The following CAMK2A variants were observed in gnomAD, a reference collection of about 807,000 sequenced individuals.
The protein encoded by CAMK2A is calcium/calmodulin dependent protein kinase II alpha.
Under a neutral mutation model 79.2 loss-of-function variants are expected in CAMK2A, and 7 were observed. That is an observed-to-expected ratio of 0.09 (90% CI 0.05 to 0.17). The LOEUF (loss-of-function observed/expected upper bound fraction) is 0.17. Among genes scored for constraint, CAMK2A ranks in the 10% least tolerant of loss-of-function variants. The probability of loss-of-function intolerance (pLI) is 1.00; values close to 1 mark genes in which losing one functional copy is unlikely to be tolerated. For synonymous variants in CAMK2A, 242 were observed against 251.7 expected, an observed-to-expected ratio of 0.96 and a Z score of 0.36; for missense variants, 214 against 646.4, an observed-to-expected ratio of 0.33 and a Z score of 7.25.
rs35164363 is a variant in CAMK2A, at chr5:150,221,749, C to CA, written c.*960dup. The CA allele has an allele frequency of 0.076, 23,794 of 312,868 alleles. 13 individuals carry two copies. Among genetic ancestry groups the CA allele is most frequent in the East Asian group, 0.11 (2,461 of 22,850 alleles). 19.4% of individuals were successfully genotyped at this position (312,868 alleles called of 1,614,324 possible). A position where few individuals can be genotyped will look rare whatever the true frequency, so the allele number is the denominator to read the frequency against. On this transcript the variant is annotated 3_prime_UTR_variant, in exon 19 of 19. Coordinates refer to ENST00000671881, the MANE Select transcript of CAMK2A (RefSeq NM_015981.4). ...GTGACAAGGTCCACCTCAGAGATGA[C>CA]AAAAAAAAAAAAAAAAACTAGAACA...
At chr5:150,261,195 C>A (rs987486951) in intron 3 of CAMK2A, among the ~76,000 whole-genome samples, 7 of 144,008 alleles carry the variant, frequency 4.9e-5, no homozygotes, top group Non-Finnish European at 6.2e-5. Context: ...CTCTGAGCAG[C>A]TGGGCAAGGG....
intron 3 of CAMK2A, among the ~76,000 whole-genome samples, chr5:150,263,966 G>A (rs1347329679): frequency 6.6e-6 from 1 of 152,230 alleles, no homozygotes; most frequent in African/African-American, 2.4e-5. Context: ...AATAGCAGAT[G>A]GAGATGCTTC....
intron 15 of CAMK2A, among the ~76,000 whole-genome samples, chr5:150,236,950 C>T (rs913025162): frequency 2.6e-5 from 4 of 152,174 alleles, no homozygotes; most frequent in Non-Finnish European, 4.4e-5. Flanking sequence ...TATTCACAGA[C>T]ACCATCATAG....
At chr5:150,273,873 C>T (rs939335898) in intron 1 of CAMK2A, among the ~76,000 whole-genome samples, 3 of 152,222 alleles carry the variant, frequency 2.0e-5, no homozygotes, top group African/African-American at 7.2e-5. Context: ...GCTACAATGA[C>T]TAGCCGTGTA....
At chr5:150,255,356 G>A (rs1239405793) in intron 6 of CAMK2A, among the ~76,000 whole-genome samples, 2 of 152,250 alleles carry the variant, frequency 1.3e-5, no homozygotes, top group African/African-American at 4.8e-5. Flanking sequence ...GAGAGGGGCA[G>A]GGTCTCTCTT....
At chr5:150,270,088 C>G (rs557350117) in intron 2 of CAMK2A, among the ~76,000 whole-genome samples, 2 of 152,338 alleles carry the variant, frequency 1.3e-5, no homozygotes, top group African/African-American at 2.4e-5. Context: ...AATTCTACCT[C>G]TGTGTGTGCA....
In CAMK2A at chr5:150,256,665, G is replaced by C. The variant is rs376586067; in HGVS notation, c.339-20C>G. The C allele has an allele frequency of 5.4e-5, 87 of 1,612,918 alleles. No individual in the cohort carries two copies. The African/African-American group carries it at 1.0e-3, about 19-fold the overall frequency. On this transcript the variant is annotated intron_variant, in intron 5 of 18. Coordinates refer to ENST00000671881, the MANE Select transcript of CAMK2A (RefSeq NM_015981.4). The surrounding 1 kb of genome is among the most constrained non-coding windows in gnomAD (Gnocchi z 4.6). Reference sequence around the variant, plus strand: ...CAGTGACTAGGGAGAGAGAGAGGAAGGGGTCATGGTGGTGTGAGCACAGGC... The same window carrying C: ...CAGTGACTAGGGAGAGAGAGAGGAACGGGTCATGGTGGTGTGAGCACAGGC...
At position 150,259,902 on chromosome 5, in the gene CAMK2A, G is replaced by A. The variant is rs111532311; in HGVS notation, c.218-2285C>T. On this transcript the variant is annotated intron_variant, in intron 3 of 18. Coordinates refer to ENST00000671881, the MANE Select transcript of CAMK2A (RefSeq NM_015981.4). ...GAGAATTGCTTGAACCCAGGAGACG[G>A]AGGTTGCAATAAGCCGAGATCATGC... Among the ~76,000 whole-genome samples, 653 of 152,220 alleles carry A rather than the reference G, an allele frequency of 4.3e-3. 6 individuals carry two copies. Among genetic ancestry groups the A allele is most frequent in the Middle Eastern group, 6.8e-3 (2 of 294 alleles).
intron 14 of CAMK2A, 152 bp downstream of exon 14, chr5:150,239,552 A>G: frequency 1.4e-6 from 1 of 712,388 alleles, no homozygotes; most frequent in Non-Finnish European, 2.5e-6. Context: ...ACACACACAC[A>G]ACACACATAT....
intron 3 of CAMK2A, among the ~76,000 whole-genome samples, chr5:150,263,377 C>T (rs1756373237): frequency 6.6e-6 from 1 of 151,304 alleles, no homozygotes; most frequent in African/African-American, 2.4e-5. Context: ...CATACATGCA[C>T]TCACACAGAC....
intron 16 of CAMK2A, among the ~76,000 whole-genome samples, chr5:150,230,345 A>G (rs1431101460): frequency 9.4e-5 from 5 of 53,412 alleles, no homozygotes; most frequent in Non-Finnish European, 2.0e-4. Context: ...AAAAAAGGGA[A>G]AAAAAAAAGA....
intron 3 of CAMK2A, among the ~76,000 whole-genome samples, chr5:150,259,276 A>G (rs1756198327): frequency 2.0e-5 from 3 of 151,926 alleles, no homozygotes; most frequent in South Asian, 4.1e-4. Flanking sequence ...TCCCAGCACT[A>G]TGGGAGGCTG....
At chr5:150,271,447 C>A (rs957773731) in intron 2 of CAMK2A, among the ~76,000 whole-genome samples, 16 of 152,190 alleles carry the variant, frequency 1.1e-4, no homozygotes, top group Non-Finnish European at 2.1e-4. Flanking sequence ...TGAGGCCTGC[C>A]GGGAGGCCTG....
chr5:150,265,457 C>T (rs1266316318), intron 2 of CAMK2A: 1 of 167,586 alleles, frequency 6.0e-6, no homozygotes, highest in Non-Finnish European at 1.3e-5. Flanking sequence ...CTGGCCATCA[C>T]TCACTCCTAC....
chr5:150,226,198 C>T (rs1342559564), intron 17 of CAMK2A, among the ~76,000 whole-genome samples: 2 of 152,174 alleles, frequency 1.3e-5, no homozygotes, highest in Admixed American at 6.5e-5. Flanking sequence ...GTAGGAGTGT[C>T]AGTCCCAGTG....
intron 9 of CAMK2A, 53 bp from the exon 10 acceptor site, chr5:150,250,863 C>A: frequency 4.4e-6 from 7 of 1,596,580 alleles, no homozygotes; most frequent in Non-Finnish European, 6.0e-6. Context: ...GCCACCCCTG[C>A]GATCCCCCAG....
intron 2 of CAMK2A, 139 bp from the exon 3 acceptor site, chr5:150,265,154 C>T: frequency 1.5e-6 from 1 of 679,762 alleles, no homozygotes; most frequent in South Asian, 1.6e-5. Context: ...CTGGCCAGGG[C>T]CTCTGAGTTC....
chr5:150,256,950 G>C lies in CAMK2A; in HGVS notation c.273-119C>G. On this transcript the variant is annotated intron_variant, in intron 4 of 18. Transcript: ENST00000671881. This position sits in a 1 kb window ranked among gnomAD's most constrained non-coding sequence, Gnocchi z 4.6. ...GACCTCAGGACCTCAGCCACAAAAG[G>C]AGGGGCCCCAGGGTCACGGGGGTGT... 1 of 827,294 alleles carries C rather than the reference G, an allele frequency of 1.2e-6. No homozygotes were observed. The highest frequency in any genetic ancestry group is 1.9e-6 in the Non-Finnish European group (1 of 531,418). The allele number at this position is 827,294 out of a possible 1,614,324, so 51.2% of individuals were successfully genotyped here.
chr5:150,272,663 C>A (rs1017427623), intron 2 of CAMK2A, among the ~76,000 whole-genome samples: 10 of 151,784 alleles, frequency 6.6e-5, no homozygotes, highest in African/African-American at 2.4e-4. Context: ...AGGATGTGAC[C>A]TTCAGCTGAG....
Sources: gnomAD v4.1 joint callset for allele counts (sites outside exome capture counted in the v4.1 genomes callset) on GRCh38, gnomAD v4.1.1 for gene constraint, Gnocchi (gnomAD v3.1) non-coding constraint, MANE v1.5 for transcripts, NCBI Gene and HGNC (gene_info 2026-07-23, HGNC 2026-07-21) for gene names.